Variants in SRPK2 observed in about 807,000 individuals in gnomAD.
SRPK2 encodes SRSF protein kinase 2.
In SRPK2, 21 loss-of-function variants were observed where a neutral mutation model predicts 90.8. That is an observed-to-expected ratio of 0.23 (90% CI 0.16 to 0.33). The LOEUF (loss-of-function observed/expected upper bound fraction) is 0.33, where lower values mean the gene tolerates loss of function less well. Ranked by LOEUF, SRPK2 falls within the 10% of genes least tolerant of loss-of-function variation. The probability of loss-of-function intolerance (pLI) is 1.00; values close to 1 mark genes in which losing one functional copy is unlikely to be tolerated. For missense variants in SRPK2, 620 were observed against 869.0 expected, an observed-to-expected ratio of 0.71 and a Z score of 3.60; for synonymous variants, 288 against 311.1, an observed-to-expected ratio of 0.93 and a Z score of 0.78.
chr7:105,395,534 A>G (rs1822297906), intron 1 of SRPK2, among the ~76,000 whole-genome samples: 1 of 152,108 alleles, frequency 6.6e-6, no homozygotes, highest in Non-Finnish European at 1.5e-5. Flanking sequence ...GTTCCAGATC[A>G]GCCCGGACAA....
At chr7:105,317,604 T>G (rs972289978) in intron 2 of SRPK2, among the ~76,000 whole-genome samples, 1 of 152,092 alleles carries the variant, frequency 6.6e-6, no homozygotes, top group African/African-American at 2.4e-5. Flanking sequence ...CAGGATGGGG[T>G]TGAATATTTT....
chr7:105,140,647 G>A (rs1051858449), intron 11 of SRPK2, among the ~76,000 whole-genome samples: 3 of 151,568 alleles, frequency 2.0e-5, no homozygotes, highest in Non-Finnish European at 2.9e-5. Context: ...TAATTAAAAA[G>A]GTACTTTGTA....
rs552830552 is a variant in SRPK2, at chr7:105,270,532, C to T, written c.72-66747G>A. Among the ~76,000 whole-genome samples, 289 of 152,016 alleles carry T rather than the reference C, an allele frequency of 1.9e-3. 8 individuals are homozygous for T. The South Asian group carries it at 0.056, about 30-fold the overall frequency. On this transcript the variant is annotated intron_variant, in intron 2 of 15. Coordinates refer to ENST00000393651, the MANE Select transcript of SRPK2 (RefSeq NM_182692.3). ...AAGCGATTCTCCTGTCTCAGCCTCC[C>T]GGGTAGCTGGGATTACAGGCGCCCG...
chr7:105,249,211 A>T (rs1009304647), intron 2 of SRPK2, among the ~76,000 whole-genome samples: 1 of 152,214 alleles, frequency 6.6e-6, no homozygotes, highest in Admixed American at 6.5e-5. Context: ...TCTGAGGCAT[A>T]GGGGTTTGGA....
In SRPK2 at chr7:105,132,670, G is replaced by A. The variant is rs150213089; in HGVS notation, c.1752+121C>T. On this transcript the variant is annotated intron_variant, in intron 13 of 15. Coordinates refer to ENST00000393651, the MANE Select transcript of SRPK2 (RefSeq NM_182692.3). ...GCAACCTTCCCCTCACCCAGCCCACGGTGGATGACCCTTACAGTCAGAAAA... is the reference window on the plus strand; with the variant it reads ...GCAACCTTCCCCTCACCCAGCCCACAGTGGATGACCCTTACAGTCAGAAAA... 197 of 746,428 alleles carry A rather than the reference G, an allele frequency of 2.6e-4. 2 individuals carry two copies. The African/African-American group carries it at 3.2e-3, about 12-fold the overall frequency. 46.2% of individuals were successfully genotyped at this position (746,428 alleles called of 1,614,324 possible). A position where few individuals can be genotyped will look rare whatever the true frequency, so the allele number is the denominator to read the frequency against.
chr7:105,116,568 T>A lies in SRPK2; in HGVS notation c.*1270A>T, dbSNP rs1055608156. The A allele has an allele frequency of 5.9e-5, 9 of 152,628 alleles. No individual in the cohort carries two copies. Among genetic ancestry groups the A allele is most frequent in the African/African-American group, 2.2e-4 (9 of 41,452 alleles). 9.5% of individuals were successfully genotyped at this position (152,628 alleles called of 1,614,324 possible). On this transcript the variant is annotated 3_prime_UTR_variant, in exon 16 of 16. Coordinates refer to ENST00000393651, the MANE Select transcript of SRPK2 (RefSeq NM_182692.3). ...AAATTTAAAATAAAAAGACATTCAA[T>A]CCACTGACTTCTAAAAGAGGCTAAA...
intron 2 of SRPK2, among the ~76,000 whole-genome samples, chr7:105,328,865 CAA>C (rs527900668): frequency 4.5e-4 from 29 of 64,182 alleles, no homozygotes; most frequent in Non-Finnish European, 3.8e-4. Flanking sequence ...ACTCTGTCTC[CAA>C]AAAAAAAAAA....
chr7:105,240,286 C>G (rs932687730), intron 2 of SRPK2, among the ~76,000 whole-genome samples: 7 of 152,112 alleles, frequency 4.6e-5, no homozygotes, highest in African/African-American at 1.7e-4. Flanking sequence ...ATCTAATTGT[C>G]TCTCCCAAAA....
intron 3 of SRPK2, among the ~76,000 whole-genome samples, chr7:105,193,165 T>C (rs190896420): frequency 1.4e-4 from 22 of 152,376 alleles, no homozygotes; most frequent in African/African-American, 4.8e-4. Context: ...ATAATGTTTA[T>C]AGTTTCAGGT....
At chr7:105,339,834 G>C (rs572868930) in intron 2 of SRPK2, among the ~76,000 whole-genome samples, 1 of 152,270 alleles carries the variant, frequency 6.6e-6, no homozygotes, top group East Asian at 1.9e-4. Context: ...GCCAAGGCAG[G>C]CAGATCACTT....
chr7:105,124,004 C>T (rs1428148904), intron 15 of SRPK2, among the ~76,000 whole-genome samples: 2 of 152,214 alleles, frequency 1.3e-5, no homozygotes, highest in Non-Finnish European at 2.9e-5. Context: ...CACGTAAGTC[C>T]TAAGTATACG....
chr7:105,363,668 T>C (rs201429458), intron 2 of SRPK2, among the ~76,000 whole-genome samples: 2 of 152,168 alleles, frequency 1.3e-5, no homozygotes, highest in South Asian at 4.1e-4. Context: ...CCCAGCCATC[T>C]CATTACTGGG....
chr7:105,302,725 G>A (rs1404400942), intron 2 of SRPK2, among the ~76,000 whole-genome samples: 7 of 152,082 alleles, frequency 4.6e-5, no homozygotes, highest in Admixed American at 6.5e-5. Flanking sequence ...TGCTTTGAGT[G>A]ATAGGTGGAA....
chr7:105,308,860 G>A (rs1003151877), intron 2 of SRPK2, among the ~76,000 whole-genome samples: 3 of 152,158 alleles, frequency 2.0e-5, no homozygotes, highest in South Asian at 4.1e-4. Flanking sequence ...TTCTCTCTCT[G>A]TAATCTTTCA....
chr7:105,343,025 C>T (rs760555928), intron 2 of SRPK2, among the ~76,000 whole-genome samples: 2 of 152,136 alleles, frequency 1.3e-5, no homozygotes, highest in Non-Finnish European at 1.5e-5. Context: ...AGGATGTGTT[C>T]ACAAGTTAAA....
intron 2 of SRPK2, among the ~76,000 whole-genome samples, chr7:105,268,303 C>G (rs548551101): frequency 1.3e-5 from 2 of 152,158 alleles, no homozygotes; most frequent in Non-Finnish European, 2.9e-5. Flanking sequence ...CAGAATGTGA[C>G]TAATCTGTGG....
At chr7:105,223,304 GCTC>G (rs1187729185) in intron 2 of SRPK2, among the ~76,000 whole-genome samples, 1 of 152,232 alleles carries the variant, frequency 6.6e-6, no homozygotes, top group East Asian at 1.9e-4. Context: ...CTCCAAAGAG[GCTC>G]CTAATAGGCT....
At chr7:105,332,609 C>A (rs1333975864) in intron 2 of SRPK2, among the ~76,000 whole-genome samples, 2 of 151,734 alleles carry the variant, frequency 1.3e-5, no homozygotes, top group Non-Finnish European at 2.9e-5. Context: ...ACTAAAAATA[C>A]AAAACTTAGC....
intron 2 of SRPK2, among the ~76,000 whole-genome samples, chr7:105,277,085 T>TTA (rs1806611772): frequency 9.8e-6 from 1 of 101,956 alleles, no homozygotes; most frequent in South Asian, 3.6e-4. Context: ...ATTATTATTA[T>TTA]TTTTTTTTTG....
Sources: allele counts gnomAD v4.1 joint callset (sites outside exome capture counted in the v4.1 genomes callset), GRCh38; gene constraint gnomAD v4.1.1; transcripts MANE v1.5; gene names NCBI Gene and HGNC (gene_info 2026-07-23, HGNC 2026-07-21).